ITGA8: variants seen among roughly 807,000 people sequenced by gnomAD.
ITGA8 encodes the protein integrin alpha-8.
ITGA8 carries 91 observed loss-of-function variants against 142.3 expected under a neutral mutation model. That is an observed-to-expected ratio of 0.64 (90% CI 0.54 to 0.76). The LOEUF is 0.76. Ranked by LOEUF, ITGA8 falls within the 30% of genes least tolerant of loss-of-function variation. ITGA8 has a pLI of 0.00. For synonymous variants in ITGA8, 505 were observed against 485.2 expected, an observed-to-expected ratio of 1.04 and a Z score of -0.54; for missense variants, 1,406 against 1,327.7, an observed-to-expected ratio of 1.06 and a Z score of -0.92.
At chr10:15,561,719 G>A (rs1326108550) in intron 25 of ITGA8, among the ~76,000 whole-genome samples, 2 of 152,194 alleles carry the variant, frequency 1.3e-5, no homozygotes, top group Non-Finnish European at 1.5e-5. Context: ...CCTTTCTCTG[G>A]AAGTGTTAGA....
chr10:15,648,912 A>G (rs78750918), intron 11 of ITGA8, among the ~76,000 whole-genome samples: 1,965 of 152,356 alleles, frequency 0.013, 30 homozygotes, highest in African/African-American at 0.045. Context: ...AGGTTAAATG[A>G]CTACTCATAT....
At chr10:15,663,614 G>C (rs1334255074) in intron 8 of ITGA8, among the ~76,000 whole-genome samples, 1 of 151,704 alleles carries the variant, frequency 6.6e-6, no homozygotes, top group Non-Finnish European at 1.5e-5. Flanking sequence ...GTCACCCAAG[G>C]CTAGAGTGCA....
At position 15,530,985 on chromosome 10, in the gene ITGA8, G is replaced by A. The variant is rs966186675; in HGVS notation, c.2982+65C>T. The A allele has an allele frequency of 8.4e-6, 8 of 957,586 alleles. No individual in the cohort carries two copies. The African/African-American group carries it at 1.2e-4, about 14-fold the overall frequency. The allele number at this position is 957,586 out of a possible 1,614,324, so 59.3% of individuals were successfully genotyped here. On this transcript the variant is annotated intron_variant, in intron 28 of 29. Transcript: ENST00000378076. ...AAACACTAAAGCCTAGCACAAGCTA[G>A]ACAGTGATTAAAACAATTATTTCAA...
intron 28 of ITGA8, among the ~76,000 whole-genome samples, chr10:15,523,756 C>CAAAAAAAA (rs11388685): frequency 1.1e-4 from 13 of 117,122 alleles, no homozygotes; most frequent in African/African-American, 3.8e-4. Context: ...CTAAAAATAC[C>CAAAAAAAA]AAAAAAAAAA....
rs573392233 is a variant in ITGA8 at position 15,520,274 on chromosome 10, G to T, written c.2983-862C>A. Among the ~76,000 whole-genome samples, 244 of 152,194 alleles carry T rather than the reference G, an allele frequency of 1.6e-3. 1 individual carries two copies. The highest frequency in any genetic ancestry group is 3.3e-3 in the Admixed American group (50 of 15,282). Reference sequence around the variant, plus strand: ...TAAAGATACAAAAAATTAGCTGGGTGTGGTGGCGCACACCTGTAATCCCAG... The same window carrying T: ...TAAAGATACAAAAAATTAGCTGGGTTTGGTGGCGCACACCTGTAATCCCAG... On this transcript the variant is annotated intron_variant, in intron 28 of 29. Coordinates refer to ENST00000378076, the MANE Select transcript of ITGA8 (RefSeq NM_003638.3).
chr10:15,694,689 A>ATATATATATATG (rs1158093747), intron 2 of ITGA8, among the ~76,000 whole-genome samples: 1 of 134,284 alleles, frequency 7.4e-6, no homozygotes. Flanking sequence ...ATATATATAT[A>ATATATATATATG]TATATATATA....
intron 13 of ITGA8, among the ~76,000 whole-genome samples, chr10:15,637,504 A>ATTTTTTTTTTT (rs59157680): frequency 4.6e-5 from 6 of 131,162 alleles, no homozygotes; most frequent in Non-Finnish European, 8.3e-5. Context: ...GACTCTTTAA[A>ATTTTTTTTTTT]TTTTTTTTTT....
intron 23 of ITGA8, among the ~76,000 whole-genome samples, chr10:15,578,163 C>T (rs765758583): frequency 2.1e-4 from 32 of 152,178 alleles, no homozygotes; most frequent in South Asian, 8.3e-4. Context: ...TTTACAGGAA[C>T]GTCCACTTCC....
At chr10:15,622,926 C>A (rs1267029300) in intron 13 of ITGA8, among the ~76,000 whole-genome samples, 3 of 152,056 alleles carry the variant, frequency 2.0e-5, no homozygotes, top group African/African-American at 7.2e-5. Flanking sequence ...CATTTTTTAA[C>A]CTTGTGAATT....
At chr10:15,616,024 A>C (rs1320647489) in intron 14 of ITGA8, among the ~76,000 whole-genome samples, 1 of 152,214 alleles carries the variant, frequency 6.6e-6, no homozygotes, top group Non-Finnish European at 1.5e-5. Context: ...CAGTGTATGG[A>C]ATGTCCAGGC....
rs186624940 is a variant in ITGA8, at chr10:15,652,398, C to T, written c.1001+2956G>A. ...GAGCCCCTGGTGCTTGTTGTGTGGCCGTCAGTGGGAAGAAATGTGTCTGTG... is the reference window on the plus strand; with the variant it reads ...GAGCCCCTGGTGCTTGTTGTGTGGCTGTCAGTGGGAAGAAATGTGTCTGTG... On this transcript the variant is annotated intron_variant, in intron 11 of 29. Transcript: ENST00000378076. 1.2e-3 allele frequency among the ~76,000 whole-genome samples: 186 copies of T among 150,356 alleles called. 1 individual carries two copies. Among genetic ancestry groups the T allele is most frequent in the African/African-American group, 3.2e-3 (132 of 41,000 alleles).
chr10:15,629,021 A>G (rs775493613), intron 13 of ITGA8, among the ~76,000 whole-genome samples: 1 of 151,908 alleles, frequency 6.6e-6, no homozygotes, highest in Non-Finnish European at 1.5e-5. Flanking sequence ...CAGGCTGCAG[A>G]GCTGGTAACA....
chr10:15,689,591 CCA>C (rs1200131583), intron 2 of ITGA8, among the ~76,000 whole-genome samples: 1 of 152,202 alleles, frequency 6.6e-6, no homozygotes, highest in East Asian at 1.9e-4. Context: ...CAGCACAACT[CCA>C]GAGACGGAGC....
chr10:15,541,532 T>C (rs1242149824), intron 27 of ITGA8, among the ~76,000 whole-genome samples: 4 of 152,266 alleles, frequency 2.6e-5, no homozygotes, highest in Non-Finnish European at 4.4e-5. Flanking sequence ...TGATCTCATT[T>C]GTTGGTTAGT....
intron 25 of ITGA8, among the ~76,000 whole-genome samples, chr10:15,571,755 T>G (rs897633264): frequency 4.6e-5 from 7 of 152,214 alleles, no homozygotes; most frequent in African/African-American, 1.4e-4. Flanking sequence ...TTCTGGGAGT[T>G]CTCATGGCCC....
chr10:15,592,366 G>A (rs1832941841), intron 21 of ITGA8, 62 bp from the exon 22 acceptor site: 1 of 1,278,708 alleles, frequency 7.8e-7, no homozygotes, highest in Non-Finnish European at 1.1e-6. Context: ...TATTTTGTAA[G>A]TCATTCCTGC....
chr10:15,606,492 C>G (rs1289424024), intron 17 of ITGA8, 70 bp from the exon 18 acceptor site: 1 of 1,438,728 alleles, frequency 7.0e-7, no homozygotes, highest in Admixed American at 1.8e-5. Flanking sequence ...CTGCAAAAGT[C>G]AGGCAACACT....
At chr10:15,688,970 T>C (rs1240799265) in intron 2 of ITGA8, among the ~76,000 whole-genome samples, 4 of 152,126 alleles carry the variant, frequency 2.6e-5, no homozygotes, top group Non-Finnish European at 5.9e-5. Context: ...CCATTCAACA[T>C]AGAACTTTTA....
At chr10:15,584,809 A>T (rs757820343) in intron 23 of ITGA8, among the ~76,000 whole-genome samples, 1 of 152,118 alleles carries the variant, frequency 6.6e-6, no homozygotes, top group Non-Finnish European at 1.5e-5. Context: ...TAATCCTAGC[A>T]CTTTGGGAGG....
Sources: allele counts gnomAD v4.1 joint callset (sites outside exome capture counted in the v4.1 genomes callset), GRCh38; gene constraint gnomAD v4.1.1; transcripts MANE v1.5; gene names NCBI Gene and HGNC (gene_info 2026-07-23, HGNC 2026-07-21).